Variants in DPP10 observed in about 807,000 individuals in gnomAD.
The protein encoded by DPP10 is inactive dipeptidyl peptidase 10.
DPP10 carries 33 observed loss-of-function variants against 120.9 expected under a neutral mutation model. The observed-to-expected ratio is 0.27, with a 90% CI of 0.21 to 0.37. The LOEUF is 0.37. Ranked by LOEUF, DPP10 falls within the 10% of genes least tolerant of loss-of-function variation. DPP10 has a pLI of 1.00. For missense variants in DPP10, 816 were observed against 942.8 expected (o/e 0.87, Z 1.76); for synonymous variants, 337 against 326.1 (o/e 1.03, Z -0.36).
rs1677036502 is a variant in DPP10, at chr2:115,739,868, A to C, written c.827A>C (p.Lys276Thr). 1.9e-6 allele frequency: 3 copies of C among 1,613,224 alleles called. No homozygotes were observed. The South Asian group carries it at 3.3e-5, about 18-fold the overall frequency. The change falls in exon 9 of 26, where the codon AAA (lysine) becomes ACA (threonine). Residue 276 changes from lysine to threonine, a missense_variant. Physicochemically the swap from Lys to Thr is moderately conservative, Grantham distance 78 (BLOSUM62 -1). Coordinates refer to ENST00000410059, the MANE Select transcript of DPP10 (RefSeq NM_020868.6). ...IPRFTGALYPKGKQYPYPKAG... is the reference protein window; with the variant it reads ...IPRFTGALYPTGKQYPYPKAG... ...CGGTTTACTGGAGCGTTGTATCCCA[A>C]AGGAAAGCAGTATCCGTATCCTAAG...
At chr2:115,052,883 C>T (rs914890605) in intron 1 of DPP10, among the ~76,000 whole-genome samples, 10 of 142,212 alleles carry the variant, frequency 7.0e-5, no homozygotes, top group East Asian at 2.1e-4. Flanking sequence ...ACCTGGGAGG[C>T]GGAGGTTGCA....
intron 1 of DPP10, among the ~76,000 whole-genome samples, chr2:114,779,172 G>A (rs1026578739): frequency 2.0e-5 from 3 of 152,020 alleles, no homozygotes; most frequent in African/African-American, 7.2e-5. Context: ...GAAACTTCCA[G>A]ACTACACAGA....
rs956367856 is a variant in DPP10, at chr2:114,609,665, A to G, written c.60+166827A>G. 3.3e-5 allele frequency among the ~76,000 whole-genome samples: 5 copies of G among 152,332 alleles called. No individual in the cohort carries two copies. The South Asian group carries it at 8.3e-4, about 25-fold the overall frequency. On this transcript the variant is annotated intron_variant, in intron 1 of 25. Coordinates refer to ENST00000410059, the MANE Select transcript of DPP10 (RefSeq NM_020868.6). ...AAATCTGAGATGTGATAGGGAGGAC[A>G]ATGTAAACACAGAGATTCCAAACTA...
Position 114,527,644 on chromosome 2 carries a change from T to C in DPP10, c.60+84806T>C, listed in dbSNP as rs150303210. On this transcript the variant is annotated intron_variant, in intron 1 of 25. Transcript: ENST00000410059. The stretch of plus-strand genomic sequence containing the variant: ...GATTAGAGGATCAACAATTACAAAG[T>C]ATAGTTATGCACCGTTTAATGACAG... 6.6e-5 allele frequency among the ~76,000 whole-genome samples: 10 copies of C among 152,250 alleles called. No individual in the cohort carries two copies. The East Asian group carries it at 1.9e-3, about 29-fold the overall frequency.
chr2:114,495,306 C>T (rs1180987859), intron 1 of DPP10, among the ~76,000 whole-genome samples: 2 of 152,090 alleles, frequency 1.3e-5, no homozygotes, highest in Non-Finnish European at 2.9e-5. Context: ...TTTAAGAGTG[C>T]CTTTAAAAGT....
chr2:115,159,908 G>C (rs2052182468), intron 1 of DPP10, among the ~76,000 whole-genome samples: 1 of 152,160 alleles, frequency 6.6e-6, no homozygotes, highest in African/African-American at 2.4e-5. Flanking sequence ...TATCCTGTGT[G>C]ACAGATATCT....
At chr2:114,881,164 G>A (rs1435939497) in intron 1 of DPP10, among the ~76,000 whole-genome samples, 2 of 152,106 alleles carry the variant, frequency 1.3e-5, no homozygotes, top group African/African-American at 4.8e-5. Flanking sequence ...AATTAAACCA[G>A]AAGTGCCAAT....
At position 114,765,896 on chromosome 2, in the gene DPP10, C is replaced by G. The variant is rs143675346; in HGVS notation, c.60+323058C>G. Among the ~76,000 whole-genome samples the G allele has an allele frequency of 5.1e-3, 783 of 152,074 alleles. 5 individuals carry two copies. The highest frequency in any genetic ancestry group is 0.018 in the African/African-American group (746 of 41,516). ...TCCAAGCATAAGTAATAAAAAAATC[C>G]TAACTGGAGGAAATCTTATTCTTTT... On this transcript the variant is annotated intron_variant, in intron 1 of 25. Transcript: ENST00000410059.
At chr2:115,727,501 A>G (rs1441937044) in intron 7 of DPP10, among the ~76,000 whole-genome samples, 31 of 152,172 alleles carry the variant, frequency 2.0e-4, no homozygotes, top group Non-Finnish European at 2.9e-5. Flanking sequence ...GCAAAATGTT[A>G]TCTCAAAGCC....
chr2:115,133,607 A>C (rs2050495388), intron 1 of DPP10, among the ~76,000 whole-genome samples: 1 of 152,094 alleles, frequency 6.6e-6, no homozygotes, highest in Non-Finnish European at 1.5e-5. Flanking sequence ...GCAGATGAGG[A>C]ATGCTGCTCT....
At chr2:115,728,929 G>A (rs2092832426) in intron 8 of DPP10, among the ~76,000 whole-genome samples, 1 of 152,068 alleles carries the variant, frequency 6.6e-6, no homozygotes, top group African/African-American at 2.4e-5. Flanking sequence ...AAGAAGAGAT[G>A]TTGTAACCCT....
intron 5 of DPP10, among the ~76,000 whole-genome samples, chr2:115,606,150 TTTA>T (rs1285111470): frequency 6.6e-6 from 1 of 152,168 alleles, no homozygotes; most frequent in African/African-American, 2.4e-5. Context: ...ACAAAATTAT[TTTA>T]TTGTCTAAAA....
At chr2:115,255,826 A>G (rs1156759271) in intron 1 of DPP10, among the ~76,000 whole-genome samples, 2 of 152,198 alleles carry the variant, frequency 1.3e-5, no homozygotes, top group Non-Finnish European at 2.9e-5. Flanking sequence ...AAAACCATTC[A>G]ACAAGTCTCT....
intron 1 of DPP10, among the ~76,000 whole-genome samples, chr2:114,877,398 G>A (rs1223779931): frequency 6.6e-6 from 1 of 151,968 alleles, no homozygotes; most frequent in Admixed American, 6.6e-5. Flanking sequence ...TTCTTCGAAA[G>A]CCTTGGCCTA....
At chr2:115,329,964 C>G (rs1315096064) in intron 2 of DPP10, among the ~76,000 whole-genome samples, 6 of 152,108 alleles carry the variant, frequency 3.9e-5, no homozygotes, top group Admixed American at 2.0e-4. Context: ...GTAATGGGAT[C>G]ACTGGGTCAA....
chr2:114,625,589 C>A (rs1364331318), intron 1 of DPP10, among the ~76,000 whole-genome samples: 2 of 151,696 alleles, frequency 1.3e-5, no homozygotes, highest in Non-Finnish European at 2.9e-5. Flanking sequence ...TGATAATTAC[C>A]CTTTATTTAT....
At chr2:115,712,926 G>C (rs543919976) in intron 7 of DPP10, among the ~76,000 whole-genome samples, 1 of 151,914 alleles carries the variant, frequency 6.6e-6, no homozygotes, top group African/African-American at 2.4e-5. Context: ...ACAAAAAGAG[G>C]AACAGACTAG....
chr2:114,742,325 AAAAG>A (rs1424486747), intron 1 of DPP10, among the ~76,000 whole-genome samples: 2 of 152,200 alleles, frequency 1.3e-5, no homozygotes, highest in African/African-American at 4.8e-5. Context: ...TTAAAAAGGA[AAAAG>A]AAAAGGAGAA....
chr2:114,837,936 T>C (rs961103879), intron 1 of DPP10, among the ~76,000 whole-genome samples: 1 of 152,214 alleles, frequency 6.6e-6, no homozygotes, highest in Non-Finnish European at 1.5e-5. Context: ...GAATAAGCTA[T>C]GCTGTGGAAG....
Sources: allele counts gnomAD v4.1 joint callset (sites outside exome capture counted in the v4.1 genomes callset), GRCh38; gene constraint gnomAD v4.1.1; transcripts MANE v1.5; gene names NCBI Gene and HGNC (gene_info 2026-07-23, HGNC 2026-07-21).